Variants in MYOM2 observed in about 807,000 individuals in gnomAD.
The protein encoded by MYOM2 is myomesin-2.
MYOM2 carries 254 observed loss-of-function variants against 187.6 expected under a neutral mutation model. The observed-to-expected ratio is 1.35, with a 90% confidence interval of 1.22 to 1.50. The LOEUF (loss-of-function observed/expected upper bound fraction) is 1.50. Ranked by LOEUF, MYOM2 falls within the 40% of genes most tolerant of loss-of-function variation. The pLI, the probability that MYOM2 is intolerant of heterozygous loss-of-function variation, is 0.00. For synonymous variants in MYOM2, 981 were observed against 753.8 expected (o/e 1.30, Z -4.94); for missense variants, 2,796 against 1,924.0 (o/e 1.45, Z -8.48).
At chr8:2,127,236 G>T (rs1441672085) in intron 31 of MYOM2, among the ~76,000 whole-genome samples, 1 of 152,082 alleles carries the variant, frequency 6.6e-6, no homozygotes, top group Non-Finnish European at 1.5e-5. Context: ...GTGAACTCCT[G>T]TCTCCGAGTA....
intron 8 of MYOM2, among the ~76,000 whole-genome samples, chr8:2,069,698 C>A (rs564606899): frequency 6.6e-6 from 1 of 151,960 alleles, no homozygotes; most frequent in East Asian, 1.9e-4. Flanking sequence ...AGGGTCAAAT[C>A]TTTTTTACAA....
rs3779858 is a variant in MYOM2, at chr8:2,064,996, A to G, written c.654-4282A>G. 1.9e-3 allele frequency among the ~76,000 whole-genome samples: 283 copies of G among 152,330 alleles called. 4 individuals carry two copies. The East Asian group carries it at 0.033, about 18-fold the overall frequency. On this transcript the variant is annotated intron_variant, in intron 6 of 36. Coordinates refer to ENST00000262113, the MANE Select transcript of MYOM2 (RefSeq NM_003970.4). ...CGTAGAGGAGAGGCCAGAAGGAATC[A>G]TCTTTGAACTTTTGGTTCAGGAATT...
intron 6 of MYOM2, among the ~76,000 whole-genome samples, chr8:2,060,173 T>C (rs1224239317): frequency 1.3e-5 from 2 of 152,230 alleles, no homozygotes; most frequent in East Asian, 3.8e-4. Flanking sequence ...TAGTATCTTG[T>C]GGCACCTTCC....
intron 2 of MYOM2, among the ~76,000 whole-genome samples, chr8:2,051,532 C>T (rs551722417): frequency 6.6e-6 from 1 of 152,338 alleles, no homozygotes; most frequent in African/African-American, 2.4e-5. Flanking sequence ...CCTCATGTCA[C>T]CCACACCCTA....
chr8:2,130,446 C>G (rs112390406), intron 32 of MYOM2, among the ~76,000 whole-genome samples: 57 of 152,296 alleles, frequency 3.7e-4, no homozygotes, highest in African/African-American at 1.3e-3. Context: ...GGCGCCCACA[C>G]CCTGCCTTTA....
At chr8:2,099,618 C>G (rs189000306) in intron 19 of MYOM2, among the ~76,000 whole-genome samples, 2 of 152,164 alleles carry the variant, frequency 1.3e-5, no homozygotes, top group African/African-American at 4.8e-5. Context: ...TGAGGTCTCT[C>G]TATGTTGCCC....
Position 2,106,515 on chromosome 8 carries a change from G to T in MYOM2, c.2916G>T (p.Pro972=), listed in dbSNP as rs35141790. The T allele has an allele frequency of 9.2e-4, 1,476 of 1,612,422 alleles. 12 individuals are homozygous for T. In the African/African-American group the frequency reaches 0.017, roughly 19 times the overall value. ...GCTCCAAGCTGTACTTAAAGAATCC[G>T]GATAAGGAGGATTTAGGGACTTACT... ...GDHSKLYLKN[P]DKEDLGTYSV... Residue 972 remains proline, a synonymous_variant, in exon 23 of 37, where the codon CCG becomes CCT. Coordinates refer to ENST00000262113, the MANE Select transcript of MYOM2 (RefSeq NM_003970.4).
intron 6 of MYOM2, among the ~76,000 whole-genome samples, chr8:2,068,230 G>C (rs948655352): frequency 6.6e-6 from 1 of 152,010 alleles, no homozygotes; most frequent in Non-Finnish European, 1.5e-5. Context: ...GTGTGCACCA[G>C]GTGGAGAGCA....
At chr8:2,094,198 G>A in intron 17 of MYOM2, 107 bp downstream of exon 17, 2 of 1,403,532 alleles carry the variant, frequency 1.4e-6, no homozygotes, top group Non-Finnish European at 1.9e-6. Context: ...GGGGAAAAGG[G>A]GACTAAATTC....
intron 28 of MYOM2, 95 bp from the exon 29 acceptor site, chr8:2,123,157 A>AGG (rs79851298): frequency 6.5e-6 from 5 of 765,132 alleles, no homozygotes; most frequent in East Asian, 5.5e-5. Context: ...AGGTTTTTTG[A>AGG]GGGGGGGGCT....
intron 27 of MYOM2, 86 bp from the exon 28 acceptor site, chr8:2,117,797 ATG>A (rs2116841606): frequency 1.3e-6 from 1 of 791,640 alleles, no homozygotes; most frequent in East Asian, 2.7e-5. Flanking sequence ...CCATGCATAT[ATG>A]TGTGGGTATA....
chr8:2,108,992 A>T (rs1026946582), intron 24 of MYOM2, among the ~76,000 whole-genome samples, 162 bp downstream of exon 24: 2 of 152,162 alleles, frequency 1.3e-5, no homozygotes, highest in African/African-American at 4.8e-5. Flanking sequence ...AACAAATATT[A>T]GCTTATATTA....
At chr8:2,079,696 C>T (rs1267262875) in intron 13 of MYOM2, 83 bp downstream of exon 13, 34 of 1,421,006 alleles carry the variant, frequency 2.4e-5, no homozygotes, top group South Asian at 3.4e-5. Context: ...GGACAGAGAA[C>T]GCCCCCTACT....
chr8:2,083,638 C>T (rs932295301), intron 13 of MYOM2, among the ~76,000 whole-genome samples: 3 of 152,176 alleles, frequency 2.0e-5, no homozygotes, highest in Non-Finnish European at 4.4e-5. Context: ...CCCTCGGCTC[C>T]CCTCTCAGGG....
chr8:2,050,647 G>T, intron 1 of MYOM2, 108 bp from the exon 2 acceptor site: 1 of 595,302 alleles, frequency 1.7e-6, no homozygotes, highest in Non-Finnish European at 3.0e-6. Context: ...CTTCCCAAGG[G>T]GGTTTTATTA....
chr8:2,062,928 A>G (rs1466841903), intron 6 of MYOM2, among the ~76,000 whole-genome samples: 2 of 152,344 alleles, frequency 1.3e-5, no homozygotes, highest in Non-Finnish European at 1.5e-5. Flanking sequence ...TGGGCACCAC[A>G]TGGGCTTCGA....
In MYOM2 at chr8:2,056,890, G is replaced by T. The variant is rs528201400; in HGVS notation, c.264-458G>T. 2.1e-3 allele frequency among the ~76,000 whole-genome samples: 322 copies of T among 152,304 alleles called. 3 individuals carry two copies. Among genetic ancestry groups the T allele is most frequent in the African/African-American group, 7.4e-3 (306 of 41,570 alleles). On this transcript the variant is annotated intron_variant, in intron 3 of 36. Transcript: ENST00000262113. The stretch of plus-strand genomic sequence containing the variant: ...TTTCCCGAGTTGCCCTGTCTTTACT[G>T]AGCACCTGCTGCATGTGAGTTTCTG...
intron 8 of MYOM2, among the ~76,000 whole-genome samples, chr8:2,071,882 C>G (rs947642206): frequency 6.6e-6 from 1 of 152,148 alleles, no homozygotes. Flanking sequence ...GCCTCTTCCT[C>G]CTCTTCCAAG....
chr8:2,087,667 G>C (rs1203085598), intron 14 of MYOM2, among the ~76,000 whole-genome samples: 3 of 152,174 alleles, frequency 2.0e-5, no homozygotes, highest in Non-Finnish European at 2.9e-5. Context: ...CTAGAGTGCA[G>C]TGGCACAGTC....
Sources: gnomAD v4.1 joint callset for allele counts (sites outside exome capture counted in the v4.1 genomes callset) on GRCh38, gnomAD v4.1.1 for gene constraint, MANE v1.5 for transcripts, NCBI Gene and HGNC (gene_info 2026-07-23, HGNC 2026-07-21) for gene names.